The following FGGY variants were observed in gnomAD, a reference collection of about 807,000 sequenced individuals.
FGGY encodes FGGY carbohydrate kinase domain-containing protein.
A neutral mutation model predicts 71.3 loss-of-function variants in FGGY; 72 were observed. That is an observed-to-expected ratio of 1.01 (90% CI 0.84 to 1.23). The LOEUF (loss-of-function observed/expected upper bound fraction) is 1.23, where lower values mean the gene tolerates loss of function less well. FGGY is among the 50% of genes most tolerant of loss of function. The pLI is 0.00. For missense variants in FGGY, 668 were observed against 682.3 expected, an observed-to-expected ratio of 0.98 and a Z score of 0.23; for synonymous variants, 251 against 250.3, an observed-to-expected ratio of 1.00 and a Z score of -0.02.
At chr1:59,669,829 G>A (rs1182010108) in intron 13 of FGGY, among the ~76,000 whole-genome samples, 1 of 152,296 alleles carries the variant, frequency 6.6e-6, no homozygotes, top group East Asian at 1.9e-4. Context: ...CTAGCTGTGA[G>A]TGACCCCGGC....
At chr1:59,504,235 G>A (rs546804325) in intron 6 of FGGY, among the ~76,000 whole-genome samples, 4 of 152,246 alleles carry the variant, frequency 2.6e-5, no homozygotes, top group African/African-American at 4.8e-5. Flanking sequence ...ATGTGCATCT[G>A]TTCATCTGTA....
chr1:59,756,318 C>T (rs2098290901), intron 14 of FGGY, among the ~76,000 whole-genome samples: 1 of 152,176 alleles, frequency 6.6e-6, no homozygotes, highest in African/African-American at 2.4e-5. Context: ...CATTCACATC[C>T]ATTGAGAGCT....
rs1487158004 is a variant in FGGY at position 59,583,116 on chromosome 1, C to A, written c.904-24687C>A. On this transcript the variant is annotated intron_variant, in intron 8 of 15. Coordinates refer to ENST00000303721, the MANE Select transcript of FGGY (RefSeq NM_018291.5). ...TGCTGATGATCTCATAGTATCTGGT[C>A]ACTGCCACTAAGGAAAAATAAATGC... Among the ~76,000 whole-genome samples the A allele has an allele frequency of 3.5e-5, 5 of 143,208 alleles. 2 individuals carry two copies. The highest frequency in any genetic ancestry group is 1.4e-4 in the African/African-American group (5 of 36,544). The allele number at this position is 143,208 out of a possible 152,430, so 94.0% of individuals were successfully genotyped here. A position where few individuals can be genotyped will look rare whatever the true frequency, so the allele number is the denominator to read the frequency against.
intron 1 of FGGY, among the ~76,000 whole-genome samples, chr1:59,302,609 A>G (rs1393223854): frequency 4.6e-5 from 7 of 152,290 alleles, no homozygotes; most frequent in Admixed American, 1.3e-4. Context: ...AGTGAGAGCT[A>G]AACAATGAGA....
chr1:59,417,652 G>A (rs536741221), intron 5 of FGGY, among the ~76,000 whole-genome samples: 8 of 152,322 alleles, frequency 5.3e-5, no homozygotes, highest in East Asian at 1.9e-4. Flanking sequence ...TAGTGGGTGT[G>A]AAGTGGTATC....
intron 7 of FGGY, 38 bp from the exon 8 acceptor site, chr1:59,554,086 T>G (rs746031175): frequency 1.4e-6 from 2 of 1,446,124 alleles, no homozygotes; most frequent in South Asian, 2.4e-5. Flanking sequence ...TTTTTTTATG[T>G]GTTAAAGAGG....
intron 5 of FGGY, among the ~76,000 whole-genome samples, chr1:59,439,046 C>A (rs1265103611): frequency 6.6e-6 from 1 of 152,162 alleles, no homozygotes; most frequent in Non-Finnish European, 1.5e-5. Context: ...CACTTGACAG[C>A]CCAACTGGAT....
chr1:59,389,495 A>G (rs960842956), intron 5 of FGGY, among the ~76,000 whole-genome samples: 1 of 152,180 alleles, frequency 6.6e-6, no homozygotes, highest in Admixed American at 6.5e-5. Flanking sequence ...GTTGGTGGAC[A>G]TTTGCATCGT....
At position 59,762,614 on chromosome 1, in the gene FGGY, C is replaced by T; in HGVS notation, c.*30C>T. On this transcript the variant is annotated 3_prime_UTR_variant, in exon 16 of 16. Transcript: ENST00000303721. ...GGCTTGCAGGTGCTGATGCCAGAAG[C>T]TTCTGTGCCATTGCATTAAAGACTT... 1 of 1,549,734 alleles carries T rather than the reference C, an allele frequency of 6.5e-7. No homozygotes were observed.
At chr1:59,403,014 T>C (rs948242187) in intron 5 of FGGY, among the ~76,000 whole-genome samples, 1 of 152,086 alleles carries the variant, frequency 6.6e-6, no homozygotes, top group Non-Finnish European at 1.5e-5. Context: ...GTCCAGACTG[T>C]CACGTGTGAG....
At chr1:59,735,860 T>C (rs959004712) in intron 14 of FGGY, among the ~76,000 whole-genome samples, 3 of 152,096 alleles carry the variant, frequency 2.0e-5, no homozygotes, top group African/African-American at 7.2e-5. Context: ...TAGATTTTTT[T>C]CCCCCAAATA....
At chr1:59,605,284 G>A (rs2096613307) in intron 8 of FGGY, among the ~76,000 whole-genome samples, 1 of 152,176 alleles carries the variant, frequency 6.6e-6, no homozygotes, top group South Asian at 2.1e-4. Flanking sequence ...AAGGTAGCCA[G>A]TTGCCCCAGT....
intron 9 of FGGY, among the ~76,000 whole-genome samples, chr1:59,624,317 A>G (rs1208861056): frequency 6.6e-6 from 1 of 152,178 alleles, no homozygotes; most frequent in Non-Finnish European, 1.5e-5. Flanking sequence ...CTTTACTGTG[A>G]CCTTGGGCAA....
chr1:59,322,318 T>G (rs1324657335), intron 2 of FGGY, among the ~76,000 whole-genome samples: 1 of 150,612 alleles, frequency 6.6e-6, no homozygotes, highest in Non-Finnish European at 1.5e-5. Context: ...GTTCAATGGG[T>G]TTTTGGGGAA....
intron 6 of FGGY, among the ~76,000 whole-genome samples, chr1:59,490,651 A>C (rs1165176480): frequency 6.6e-6 from 1 of 152,004 alleles, no homozygotes; most frequent in Non-Finnish European, 1.5e-5. Context: ...TTATAGTTGC[A>C]GGTCTTGTGT....
At chr1:59,585,169 C>A (rs902964263) in intron 8 of FGGY, among the ~76,000 whole-genome samples, 13 of 152,158 alleles carry the variant, frequency 8.5e-5, no homozygotes, top group Non-Finnish European at 1.5e-5. Flanking sequence ...GAAAAAACTA[C>A]TTTAAAGCTC....
Position 59,380,512 on chromosome 1 carries a change from A to G in FGGY, c.554+1675A>G, listed in dbSNP as rs571076514. Among the ~76,000 whole-genome samples, 503 of 151,536 alleles carry G rather than the reference A, an allele frequency of 3.3e-3. 35 individuals are homozygous for G. Among genetic ancestry groups the G allele is most frequent in the African/African-American group, 0.012 (485 of 40,864 alleles). ...CCTAACTGGTGTGAGATGATATCTC[A>G]TTGTGGTTTTGATTTGCATTTCTCT... is the stretch of plus-strand genomic sequence containing the variant. On this transcript the variant is annotated intron_variant, in intron 5 of 15. Transcript: ENST00000303721.
chr1:59,656,837 C>A (rs1174203100), intron 11 of FGGY, among the ~76,000 whole-genome samples: 1 of 152,186 alleles, frequency 6.6e-6, no homozygotes, highest in Non-Finnish European at 1.5e-5. Context: ...ATTTCACCCT[C>A]ATGTGTCCCT....
At chr1:59,499,649 CA>C (rs1159613142) in intron 6 of FGGY, among the ~76,000 whole-genome samples, 1 of 152,108 alleles carries the variant, frequency 6.6e-6, no homozygotes, top group African/African-American at 2.4e-5. Flanking sequence ...AGTTTAAGAA[CA>C]TAGTCGTATT....
Sources: allele counts gnomAD v4.1 joint callset (sites outside exome capture counted in the v4.1 genomes callset), GRCh38; gene constraint gnomAD v4.1.1; transcripts MANE v1.5; gene names NCBI Gene and HGNC (gene_info 2026-07-23, HGNC 2026-07-21).